The following PLCE1 variants were observed in gnomAD, a reference collection of about 807,000 sequenced individuals.
PLCE1 encodes the protein 1-phosphatidylinositol 4,5-bisphosphate phosphodiesterase epsilon-1.
In PLCE1, 119 loss-of-function variants were observed where a neutral mutation model predicts 242.8. The ratio of observed to expected loss-of-function variants is 0.49; its 90% CI spans 0.42 to 0.57. The LOEUF is 0.57. Among genes scored for constraint, PLCE1 ranks in the 20% least tolerant of loss-of-function variants. The pLI, the probability that PLCE1 is intolerant of heterozygous loss-of-function variation, is 0.00. For missense variants in PLCE1, 2,441 were observed against 2,788.8 expected (o/e 0.88, Z 2.81); for synonymous variants, 945 against 1,017.4 (o/e 0.93, Z 1.35).
intron 3 of PLCE1, chr10:94,139,119 C>G (rs113534693): frequency 0.024 from 3,623 of 152,484 alleles, 157 homozygotes; most frequent in African/African-American, 0.081. Flanking sequence ...CACATCTCTA[C>G]TAAAAATAAC....
intron 3 of PLCE1, chr10:94,137,929 C>T (rs1418811773): frequency 7.8e-6 from 3 of 383,996 alleles, no homozygotes; most frequent in Non-Finnish European, 1.0e-5. Flanking sequence ...AGGAGATGAC[C>T]AAGTACCACA....
At chr10:94,048,762 G>T (rs1401392783) in intron 2 of PLCE1, among the ~76,000 whole-genome samples, 4 of 148,672 alleles carry the variant, frequency 2.7e-5, no homozygotes, top group Admixed American at 6.7e-5. Flanking sequence ...TATATAGAGA[G>T]AGAGAGAGGG....
intron 2 of PLCE1, chr10:94,105,483 C>T (rs2045694316): frequency 6.6e-6 from 1 of 152,316 alleles, no homozygotes; most frequent in Non-Finnish European, 1.5e-5. Flanking sequence ...AGCGCCTCCC[C>T]ATCGTCCTGA....
At chr10:94,258,055 T>C (rs2051164231) in intron 11 of PLCE1, among the ~76,000 whole-genome samples, 1 of 152,214 alleles carries the variant, frequency 6.6e-6, no homozygotes, top group African/African-American at 2.4e-5. Flanking sequence ...TTGACTGATA[T>C]TTCTACATTG....
chr10:94,322,202 G>A, intron 30 of PLCE1, 143 bp downstream of exon 30: 2 of 806,420 alleles, frequency 2.5e-6, no homozygotes, highest in Non-Finnish European at 2.1e-6. Flanking sequence ...TCTTAAGGCT[G>A]GGAAATTGCC....
At chr10:94,006,594 C>T (rs2061042509) in intron 1 of PLCE1, among the ~76,000 whole-genome samples, 1 of 152,224 alleles carries the variant, frequency 6.6e-6, no homozygotes, top group Non-Finnish European at 1.5e-5. Context: ...GTGTCAAAAA[C>T]ATCCAACACT....
intron 3 of PLCE1, chr10:94,138,150 G>A: frequency 2.6e-6 from 1 of 389,928 alleles, no homozygotes; most frequent in Non-Finnish European, 5.0e-6. Context: ...ACTGCACCAT[G>A]CAAAGAAGTC....
chr10:94,136,651 C>G (rs991974588), intron 3 of PLCE1, among the ~76,000 whole-genome samples: 1 of 152,168 alleles, frequency 6.6e-6, no homozygotes, highest in Non-Finnish European at 1.5e-5. Context: ...ATTCTGCAGC[C>G]TTGGGGCTTT....
At chr10:94,279,497 C>T (rs2052110319) in intron 19 of PLCE1, 2 of 459,864 alleles carry the variant, frequency 4.3e-6, no homozygotes, top group Non-Finnish European at 7.9e-6. Flanking sequence ...CCAAAGCTTT[C>T]TCTTGGAGGG....
intron 4 of PLCE1, among the ~76,000 whole-genome samples, chr10:94,184,939 G>A (rs149929417): frequency 1.3e-5 from 2 of 152,030 alleles, no homozygotes; most frequent in Non-Finnish European, 2.9e-5. Context: ...CTATATAGTA[G>A]ATGTGTAATA....
At chr10:94,304,899 G>A (rs2053151096) in intron 25 of PLCE1, among the ~76,000 whole-genome samples, 1 of 152,148 alleles carries the variant, frequency 6.6e-6, no homozygotes, top group Non-Finnish European at 1.5e-5. Context: ...TCTGATGATG[G>A]TAACTCTGTC....
At chr10:94,062,027 A>G (rs2044068123) in intron 2 of PLCE1, among the ~76,000 whole-genome samples, 2 of 152,264 alleles carry the variant, frequency 1.3e-5, no homozygotes, top group South Asian at 4.1e-4. Context: ...GCAGAATAGC[A>G]GTATCTATCT....
intron 2 of PLCE1, among the ~76,000 whole-genome samples, chr10:94,035,372 C>T (rs1034775257): frequency 1.3e-5 from 2 of 152,146 alleles, no homozygotes; most frequent in African/African-American, 4.8e-5. Flanking sequence ...GCTGCTGTTT[C>T]TTCTGAGCTT....
At chr10:94,320,747 G>A (rs953917518) in intron 29 of PLCE1, among the ~76,000 whole-genome samples, 1 of 152,164 alleles carries the variant, frequency 6.6e-6, no homozygotes, top group African/African-American at 2.4e-5. Context: ...ATCCTCATTT[G>A]AAAATGTGGT....
intron 2 of PLCE1, chr10:94,099,860 A>C (rs1363820211): frequency 6.6e-6 from 1 of 152,176 alleles, no homozygotes; most frequent in Non-Finnish European, 1.5e-5. Flanking sequence ...GGAGCAGCTC[A>C]GGCAGGGAGA....
intron 1 of PLCE1, among the ~76,000 whole-genome samples, chr10:94,001,356 T>C (rs1228338224): frequency 1.3e-5 from 2 of 152,168 alleles, no homozygotes; most frequent in African/African-American, 4.8e-5. Context: ...AAAGGTCTCC[T>C]TTAGAGGGGC....
intron 8 of PLCE1, among the ~76,000 whole-genome samples, chr10:94,248,607 CA>C: frequency 7.6e-6 from 1 of 132,342 alleles, no homozygotes. Flanking sequence ...AACAAACAAA[CA>C]AAAAATACCC....
intron 4 of PLCE1, among the ~76,000 whole-genome samples, chr10:94,181,910 C>T (rs939510233): frequency 1.3e-5 from 2 of 152,150 alleles, no homozygotes; most frequent in Non-Finnish European, 1.5e-5. Context: ...GAGTGAGACC[C>T]TTTCTCTAAA....
At chr10:94,292,754 C>T (rs11187842) in intron 22 of PLCE1, among the ~76,000 whole-genome samples, 12,169 of 152,278 alleles carry the variant, frequency 0.08, 573 homozygotes, top group East Asian at 0.19. Flanking sequence ...GGGAATTACT[C>T]TCCAAAGGTA....
Sources: allele counts gnomAD v4.1 joint callset (sites outside exome capture counted in the v4.1 genomes callset), GRCh38; gene constraint gnomAD v4.1.1; transcripts MANE v1.5; gene names NCBI Gene and HGNC (gene_info 2026-07-23, HGNC 2026-07-21).